The following FRMD4B variants were observed in gnomAD, a reference collection of about 807,000 sequenced individuals.
FRMD4B encodes the protein FERM domain-containing protein 4B.
Under a neutral mutation model 141.5 loss-of-function variants are expected in FRMD4B, and 74 were observed. The observed-to-expected ratio is 0.52, with a 90% confidence interval of 0.43 to 0.63. FRMD4B has a LOEUF of 0.63. FRMD4B is among the 30% of genes least tolerant of loss of function. The pLI is 0.00. For synonymous variants in FRMD4B, 506 were observed against 467.9 expected, an observed-to-expected ratio of 1.08 and a Z score of -1.05; for missense variants, 1,366 against 1,253.4, an observed-to-expected ratio of 1.09 and a Z score of -1.36.
At position 69,519,997 on chromosome 3, in the gene FRMD4B, C is replaced by CATATATATATATAT. The variant is rs71618288; in HGVS notation, c.-129+22195_-129+22208dup. On this transcript the variant is annotated intron_variant, in intron 1 of 5. Transcript: ENST00000459638. The stretch of plus-strand genomic sequence containing the variant: ...TCCTTTTTGTGGCTGAGTAGTATTC[C>CATATATATATATAT]ATATATATATATATATATATATATA... Among the ~76,000 whole-genome samples, 56 of 88,362 alleles carry CATATATATATATAT rather than the reference C, an allele frequency of 6.3e-4. 1 individual carries two copies. The highest frequency in any genetic ancestry group is 8.7e-4 in the Non-Finnish European group (42 of 48,026). The allele number at this position is 88,362 out of a possible 152,430, so 58.0% of individuals were successfully genotyped here.
rs185622683 is a variant in FRMD4B, at chr3:69,345,935, C to A, written c.163-32418G>T. Among the ~76,000 whole-genome samples, 272 of 152,220 alleles carry A rather than the reference C, an allele frequency of 1.8e-3. 2 individuals are homozygous for A. The highest frequency in any genetic ancestry group is 6.1e-3 in the African/African-American group (255 of 41,564). On this transcript the variant is annotated intron_variant, in intron 1 of 22. Transcript: ENST00000398540. ...TAAAAAGCAGAGCGCCTCCCCACCTCCAAAGGAACGCAGCTACTTGCCAGC... is the reference window on the plus strand; with the variant it reads ...TAAAAAGCAGAGCGCCTCCCCACCTACAAAGGAACGCAGCTACTTGCCAGC...
chr3:69,412,673 T>A (rs1704777607), intron 2 of FRMD4B, among the ~76,000 whole-genome samples: 1 of 152,144 alleles, frequency 6.6e-6, no homozygotes. Flanking sequence ...CCCATTAATT[T>A]ACTTAGGTTA....
At chr3:69,312,933 A>G (rs1701650526) in intron 2 of FRMD4B, among the ~76,000 whole-genome samples, 2 of 152,176 alleles carry the variant, frequency 1.3e-5, no homozygotes, top group Admixed American at 1.3e-4. Context: ...ATATAGTGCC[A>G]TATATTTTAC....
At chr3:69,351,387 G>T (rs1703144666) in intron 1 of FRMD4B, among the ~76,000 whole-genome samples, 1 of 152,172 alleles carries the variant, frequency 6.6e-6, no homozygotes, top group Admixed American at 6.5e-5. Context: ...GAGCTCACTA[G>T]TATTTTCAGG....
rs1335444758 is a variant in FRMD4B, at chr3:69,408,060, C to T, written c.-1+24574G>A. Among the ~76,000 whole-genome samples the T allele has an allele frequency of 2.0e-5, 3 of 152,126 alleles. No individual in the cohort carries two copies. The South Asian group carries it at 6.2e-4, about 32-fold the overall frequency. On this transcript the variant is annotated intron_variant, in intron 2 of 5. Transcript: ENST00000459638. Reference sequence around the variant, plus strand: ...TCTGCTGTTGCAGTGGGAAAGCAGCCGAGACAATGCATACTCAAATGGCAC... The same window carrying T: ...TCTGCTGTTGCAGTGGGAAAGCAGCTGAGACAATGCATACTCAAATGGCAC...
intron 1 of FRMD4B, among the ~76,000 whole-genome samples, chr3:69,436,838 C>G (rs1705268891): frequency 6.6e-6 from 1 of 151,994 alleles, no homozygotes; most frequent in African/African-American, 2.4e-5. Flanking sequence ...ATGAAATAGG[C>G]CAGACATGAA....
chr3:69,418,250 G>A (rs958284351), intron 2 of FRMD4B, among the ~76,000 whole-genome samples: 2 of 152,090 alleles, frequency 1.3e-5, no homozygotes, highest in Middle Eastern at 3.4e-3. Context: ...AAATATACAC[G>A]GTGTACATAG....
chr3:69,201,709 G>A (rs890216286), intron 11 of FRMD4B, among the ~76,000 whole-genome samples: 1 of 151,976 alleles, frequency 6.6e-6, no homozygotes, highest in Non-Finnish European at 1.5e-5. Context: ...CTTCATATCC[G>A]AGGGCCAGGA....
intron 2 of FRMD4B, among the ~76,000 whole-genome samples, chr3:69,430,778 T>C (rs1439401339): frequency 1.3e-5 from 2 of 152,236 alleles, no homozygotes; most frequent in African/African-American, 4.8e-5. Context: ...TATCTGTGCA[T>C]CCTCTCTTAA....
rs1326832867 is a variant in FRMD4B, at chr3:69,323,628, A to G, written c.163-10111T>C. 2.9e-3 allele frequency among the ~76,000 whole-genome samples: 170 copies of G among 58,856 alleles called. 4 individuals carry two copies. The highest frequency in any genetic ancestry group is 7.9e-3 in the African/African-American group (164 of 20,858). 38.6% of individuals were successfully genotyped at this position (58,856 alleles called of 152,430 possible). On this transcript the variant is annotated intron_variant, in intron 1 of 22. Coordinates refer to ENST00000398540, the MANE Select transcript of FRMD4B (RefSeq NM_015123.3). ...TCTGTGTATATATATATATATATAT[A>G]TATATATATATATATATATATATAT...
chr3:69,349,174 C>T (rs1206843059), intron 1 of FRMD4B, among the ~76,000 whole-genome samples: 7 of 151,962 alleles, frequency 4.6e-5, no homozygotes, highest in African/African-American at 1.5e-4. Flanking sequence ...TTTTATACAC[C>T]AATAACAGAC....
In FRMD4B at chr3:69,302,367, G is replaced by A. The variant is rs376570644; in HGVS notation, c.392C>T (p.Pro131Leu). 2.5e-6 allele frequency: 4 copies of A among 1,604,972 alleles called. No individual in the cohort carries two copies. The highest frequency in any genetic ancestry group is 1.3e-5 in the African/African-American group (1 of 74,766). ...LDHDLPKKPG[P>L]TILHFAVRFY... The stretch of plus-strand genomic sequence containing the variant: ...CCTCACAGCAAAGTGCAAAATGGTT[G>A]GGCCTGGTTTCTTGGGCAAATCGTG... Residue 131 changes from proline (P) to leucine (L), a missense_variant, in exon 4 of 23, where the codon CCA (proline) becomes CTA (leucine). By Grantham distance (98) the Pro-to-Leu change is moderately conservative (BLOSUM62 -3). Transcript: ENST00000398540.
In FRMD4B at chr3:69,187,926, A is replaced by G; in HGVS notation, c.1772-9T>C. Reference sequence around the variant, plus strand: ...AGTGAAGGCATCACTGGCTATAATAAGTAAATGGGTGAATGAAAAAATAAG... The same window carrying G: ...AGTGAAGGCATCACTGGCTATAATAGGTAAATGGGTGAATGAAAAAATAAG... On this transcript the variant is annotated splice_polypyrimidine_tract_variant and intron_variant, in intron 18 of 22. Coordinates refer to ENST00000398540, the MANE Select transcript of FRMD4B (RefSeq NM_015123.3). 1 of 1,513,362 alleles carries G rather than the reference A, an allele frequency of 6.6e-7. No individual in the cohort carries two copies. The highest frequency in any genetic ancestry group is 1.2e-5 in the South Asian group (1 of 82,602). The allele number at this position is 1,513,362 out of a possible 1,614,324, so 93.7% of individuals were successfully genotyped here.
chr3:69,245,856 T>G (rs959317908), intron 7 of FRMD4B, among the ~76,000 whole-genome samples: 6 of 143,562 alleles, frequency 4.2e-5, no homozygotes, highest in Non-Finnish European at 6.0e-5. Context: ...TTTTTTTTTT[T>G]GAGACAGTTT....
chr3:69,480,255 T>G (rs566697288), intron 1 of FRMD4B, among the ~76,000 whole-genome samples: 11 of 152,380 alleles, frequency 7.2e-5, no homozygotes, highest in African/African-American at 2.6e-4. Flanking sequence ...GGTGAGGAAC[T>G]GCATTCCTTT....
intron 19 of FRMD4B, among the ~76,000 whole-genome samples, chr3:69,186,374 T>C (rs2092767717): frequency 6.6e-6 from 1 of 151,530 alleles, no homozygotes; most frequent in Non-Finnish European, 1.5e-5. Context: ...GTCTCCCAAG[T>C]AGCTAGGACT....
intron 4 of FRMD4B, among the ~76,000 whole-genome samples, chr3:69,294,948 G>T (rs1391891773): frequency 6.6e-6 from 1 of 152,216 alleles, no homozygotes; most frequent in Non-Finnish European, 1.5e-5. Context: ...GAATGGGTCA[G>T]ACCCAAGCCA....
At chr3:69,505,690 CA>C (rs1706583657) in intron 1 of FRMD4B, among the ~76,000 whole-genome samples, 1 of 152,182 alleles carries the variant, frequency 6.6e-6, no homozygotes, top group Admixed American at 6.5e-5. Flanking sequence ...TATTTATTTA[CA>C]ACATGTTACA....
chr3:69,392,322 G>T (rs1463831386), intron 2 of FRMD4B, among the ~76,000 whole-genome samples: 1 of 152,150 alleles, frequency 6.6e-6, no homozygotes, highest in African/African-American at 2.4e-5. Context: ...AGGATGGGGG[G>T]ATTAAGGGAT....
Sources: gnomAD v4.1 joint callset for allele counts (sites outside exome capture counted in the v4.1 genomes callset) on GRCh38, gnomAD v4.1.1 for gene constraint, MANE v1.5 for transcripts, NCBI Gene and HGNC (gene_info 2026-07-23, HGNC 2026-07-21) for gene names.